The following ANK3 variants were observed in gnomAD, a reference collection of about 807,000 sequenced individuals.
ANK3 encodes ankyrin-3.
Under a neutral mutation model 370.9 loss-of-function variants are expected in ANK3, and 57 were observed. That is an observed-to-expected ratio of 0.15 (90% CI 0.12 to 0.19). The LOEUF (loss-of-function observed/expected upper bound fraction) is 0.19, where lower values mean the gene tolerates loss of function less well. Among genes scored for constraint, ANK3 ranks in the 10% least tolerant of loss-of-function variants. The pLI, the probability that ANK3 is intolerant of heterozygous loss-of-function variation, is 1.00. For missense variants in ANK3, 4,439 were observed against 5,302.1 expected, an observed-to-expected ratio of 0.84 and a Z score of 5.06; for synonymous variants, 1,929 against 1,946.3, an observed-to-expected ratio of 0.99 and a Z score of 0.23.
intron 2 of ANK3, among the ~76,000 whole-genome samples, chr10:60,442,629 A>C (rs191895999): frequency 6.6e-6 from 1 of 152,354 alleles, no homozygotes; most frequent in East Asian, 1.9e-4. Flanking sequence ...GTACTTAATA[A>C]ATTTTAACTC....
chr10:60,307,514 A>G (rs561577966), intron 1 of ANK3, among the ~76,000 whole-genome samples: 1 of 149,222 alleles, frequency 6.7e-6, no homozygotes, highest in East Asian at 2.0e-4. Context: ...TTTTTTTTTA[A>G]TTTTTAGTAG....
At chr10:60,034,093 G>T (rs111232240) in intron 43 of ANK3, among the ~76,000 whole-genome samples, 127 of 125,426 alleles carry the variant, frequency 1.0e-3, no homozygotes, top group Middle Eastern at 4.5e-3. Context: ...TTTTTTTTTT[G>T]TTTTGTTTTT....
At chr10:60,593,856 T>C (rs1005106362) in intron 2 of ANK3, among the ~76,000 whole-genome samples, 1 of 152,172 alleles carries the variant, frequency 6.6e-6, no homozygotes, top group Non-Finnish European at 1.5e-5. Context: ...TGGGTTTCTG[T>C]GAATGAAATG....
At chr10:60,327,161 G>T (rs2132920031) in intron 1 of ANK3, among the ~76,000 whole-genome samples, 1 of 152,278 alleles carries the variant, frequency 6.6e-6, no homozygotes, top group Non-Finnish European at 1.5e-5. Context: ...TTCAAGTGTG[G>T]CATCAATGGA....
chr10:60,075,552 G>A lies in ANK3; in HGVS notation c.5329C>T (p.Pro1777Ser), dbSNP rs140551868. ...FSTTTAMPFS[P>S]LRSYVSAAPS... is the part of the protein sequence containing the mutation. ...GCTGCAGAAACATATGACCTGAGTG[G>A]GGAAAATGGCATTGCAGTCGTGGTA... Residue 1777 changes from proline (P) to serine (S), a missense_variant, in exon 37 of 44, where the codon CCA becomes TCA. Physicochemically the swap from Pro to Ser is moderately conservative, Grantham distance 74. This residue lies in a region of ANK3 where 679 missense variants were observed against 791.0 expected (regional missense o/e 0.86). Transcript: ENST00000280772. 1.1e-4 allele frequency: 175 copies of A among 1,613,892 alleles called. No homozygotes were observed. The highest frequency in any genetic ancestry group is 1.4e-4 in the Non-Finnish European group (161 of 1,180,012).
intron 1 of ANK3, among the ~76,000 whole-genome samples, chr10:60,365,970 C>T (rs1385810987): frequency 6.6e-6 from 1 of 152,184 alleles, no homozygotes; most frequent in Non-Finnish European, 1.5e-5. Context: ...ACTTCACACA[C>T]ATTTAATCTC....
At position 60,183,817 on chromosome 10, in the gene ANK3, C is replaced by A. The variant is rs531089403; in HGVS notation, c.2086-2390G>T. On this transcript the variant is annotated intron_variant, in intron 17 of 43. Coordinates refer to ENST00000280772, the MANE Select transcript of ANK3 (RefSeq NM_020987.5). ...AGGTTGCAGTGAGCCAAGATTGCATCATTGCACTCCAGCCTGGGCAACAAG... is the reference window on the plus strand; with the variant it reads ...AGGTTGCAGTGAGCCAAGATTGCATAATTGCACTCCAGCCTGGGCAACAAG... Among the ~76,000 whole-genome samples, 20 of 149,660 alleles carry A rather than the reference C, an allele frequency of 1.3e-4. No homozygotes were observed. In the South Asian group the frequency reaches 4.2e-3, roughly 32 times the overall value.
chr10:60,630,275 T>C (rs1304912436), intron 1 of ANK3, among the ~76,000 whole-genome samples: 1 of 152,190 alleles, frequency 6.6e-6, no homozygotes, highest in Admixed American at 6.5e-5. Context: ...AACTAAAATG[T>C]TTCTTTACAT....
At chr10:60,369,213 G>T (rs2059794101) in intron 1 of ANK3, among the ~76,000 whole-genome samples, 1 of 152,164 alleles carries the variant, frequency 6.6e-6, no homozygotes, top group Non-Finnish European at 1.5e-5. Flanking sequence ...GAACATCTTT[G>T]GCTGCACATT....
At chr10:60,442,575 A>ATG (rs1217124571) in intron 2 of ANK3, among the ~76,000 whole-genome samples, 1 of 152,210 alleles carries the variant, frequency 6.6e-6, no homozygotes, top group East Asian at 1.9e-4. Flanking sequence ...ATCTGCAGAT[A>ATG]TGTAACCTAT....
intron 42 of ANK3, chr10:60,043,853 C>T (rs72818467): frequency 0.047 from 45,740 of 977,636 alleles, 1,223 homozygotes; most frequent in African/African-American, 0.12. Flanking sequence ...ATGACCTTAT[C>T]TTTGTGAAAA....
chr10:60,449,717 T>C (rs954747017), intron 2 of ANK3, among the ~76,000 whole-genome samples: 3 of 152,194 alleles, frequency 2.0e-5, no homozygotes, highest in Non-Finnish European at 2.9e-5. Flanking sequence ...TAAATGTGCA[T>C]TGGCATTACT....
chr10:60,583,970 A>G (rs1293717164), intron 2 of ANK3, among the ~76,000 whole-genome samples: 3 of 152,164 alleles, frequency 2.0e-5, no homozygotes, highest in African/African-American at 4.8e-5. Flanking sequence ...ATCTTTACAC[A>G]GTTTACACAT....
chr10:60,498,570 T>A (rs2075717995), intron 2 of ANK3, among the ~76,000 whole-genome samples: 1 of 152,098 alleles, frequency 6.6e-6, no homozygotes, highest in South Asian at 2.1e-4. Context: ...TTCTTATTTC[T>A]CGTAGCGACA....
At chr10:60,269,372 G>A (rs550152383) in intron 5 of ANK3, among the ~76,000 whole-genome samples, 14 of 152,132 alleles carry the variant, frequency 9.2e-5, no homozygotes, top group Admixed American at 4.6e-4. Context: ...TTGGCTGGGC[G>A]TGGTGGCTCA....
intron 23 of ANK3, among the ~76,000 whole-genome samples, chr10:60,166,208 T>C (rs1028508205): frequency 3.9e-5 from 6 of 152,186 alleles, no homozygotes; most frequent in Admixed American, 6.5e-5. Flanking sequence ...TAAAAGGATT[T>C]CCTATAAGGA....
At chr10:60,339,030 G>A (rs55976329) in intron 1 of ANK3, among the ~76,000 whole-genome samples, 28,767 of 152,016 alleles carry the variant, frequency 0.19, 3,167 homozygotes, top group South Asian at 0.3. Context: ...TACTCCAAGA[G>A]TGGAGTGAAA....
At chr10:60,384,534 G>C (rs1165728903) in intron 1 of ANK3, among the ~76,000 whole-genome samples, 5 of 152,186 alleles carry the variant, frequency 3.3e-5, no homozygotes, top group Non-Finnish European at 5.9e-5. Flanking sequence ...ACAAGCTAGA[G>C]AGTTAGACTG....
intron 42 of ANK3, chr10:60,043,923 T>C: frequency 1.0e-6 from 1 of 985,828 alleles, no homozygotes; most frequent in Non-Finnish European, 1.2e-6. Context: ...GAAAAGTATT[T>C]TTCTTTGACC....
Sources: gnomAD v4.1 joint callset for allele counts (sites outside exome capture counted in the v4.1 genomes callset) on GRCh38, gnomAD v4.1.1 for gene constraint, gnomAD v4.1.1 regional missense constraint, MANE v1.5 for transcripts, NCBI Gene and HGNC (gene_info 2026-07-23, HGNC 2026-07-21) for gene names.